E2F5: variants seen among roughly 807,000 people sequenced by gnomAD.
The protein encoded by E2F5 is E2F transcription factor 5.
E2F5 carries 23 observed loss-of-function variants against 39.1 expected under a neutral mutation model. The observed-to-expected ratio is 0.59, with a 90% CI of 0.42 to 0.83. The LOEUF (loss-of-function observed/expected upper bound fraction) is 0.83. Among genes scored for constraint, E2F5 ranks in the 40% least tolerant of loss-of-function variants. The pLI is 0.00. For missense variants in E2F5, 365 were observed against 406.7 expected (o/e 0.90, Z 0.88); for synonymous variants, 145 against 157.8 (o/e 0.92, Z 0.61).
rs1812113506 is a variant in E2F5 at position 85,177,622 on chromosome 8, G to T, written c.202G>T (p.Glu68Ter). 2.3e-6 allele frequency: 3 copies of T among 1,297,740 alleles called. No individual in the cohort carries two copies. The highest frequency in any genetic ancestry group is 2.0e-6 in the Non-Finnish European group (2 of 1,018,410). 80.4% of individuals were successfully genotyped at this position (1,297,740 alleles called of 1,614,324 possible). A position where few individuals can be genotyped will look rare whatever the true frequency, so the allele number is the denominator to read the frequency against. ...LTTKFVSLLQ[E>*]AKDGVLDLKA... ...TACCAAGTTCGTGTCGCTGCTGCAG[G>T]AGGCCAAGGACGGCGTTCTGGATCT... The change falls in exon 1 of 8, where the codon GAG (glutamate) becomes TAG (stop). Residue 68 changes from glutamate (E) to a stop codon, truncating the protein, a stop_gained. Coordinates refer to ENST00000416274, the MANE Select transcript of E2F5 (RefSeq NM_001951.4). LOFTEE classifies it high-confidence loss of function.
chr8:85,180,418 T>G (rs1158551621), intron 1 of E2F5, among the ~76,000 whole-genome samples: 1 of 151,230 alleles, frequency 6.6e-6, no homozygotes. Flanking sequence ...TTTTCTCTTG[T>G]ATTCTTACTT....
chr8:85,180,925 T>G (rs1218922785), intron 1 of E2F5, among the ~76,000 whole-genome samples: 7 of 149,858 alleles, frequency 4.7e-5, no homozygotes, highest in South Asian at 2.1e-4. Context: ...TCGCCCAGGC[T>G]GGAGTGCAGT....
At chr8:85,178,698 G>C (rs762177767) in intron 1 of E2F5, among the ~76,000 whole-genome samples, 11 of 152,208 alleles carry the variant, frequency 7.2e-5, no homozygotes, top group Non-Finnish European at 1.3e-4. Flanking sequence ...CCTGGCTTGA[G>C]AGTGTCACTG....
intron 1 of E2F5, among the ~76,000 whole-genome samples, chr8:85,179,862 G>C (rs1446093546): frequency 3.3e-5 from 5 of 152,028 alleles, no homozygotes; most frequent in African/African-American, 4.8e-5. Context: ...GGGTTTCACT[G>C]TGTTAGCTAG....
At chr8:85,183,053 C>T (rs1812253625) in intron 1 of E2F5, among the ~76,000 whole-genome samples, 2 of 152,096 alleles carry the variant, frequency 1.3e-5, no homozygotes, top group Admixed American at 1.3e-4. Flanking sequence ...AGATTGAGAC[C>T]ATCCTGGCTA....
chr8:85,199,278 C>T (rs1812642911), intron 1 of E2F5, among the ~76,000 whole-genome samples: 1 of 152,152 alleles, frequency 6.6e-6, no homozygotes, highest in African/African-American at 2.4e-5. Context: ...CCAGAATGCT[C>T]TACCACCAAA....
intron 1 of E2F5, among the ~76,000 whole-genome samples, chr8:85,184,989 C>T (rs962033538): frequency 2.0e-5 from 3 of 152,152 alleles, no homozygotes; most frequent in Non-Finnish European, 4.4e-5. Context: ...CAATGACTTT[C>T]TTCACAGAAT....
intron 1 of E2F5, among the ~76,000 whole-genome samples, chr8:85,181,703 T>G (rs928426911): frequency 1.4e-5 from 2 of 146,362 alleles, no homozygotes; most frequent in African/African-American, 5.0e-5. Flanking sequence ...CTCACGCCTG[T>G]AATCCCAGCA....
chr8:85,202,366 C>G, intron 2 of E2F5, 110 bp downstream of exon 2: 1 of 763,150 alleles, frequency 1.3e-6, no homozygotes, highest in Admixed American at 3.1e-5. Flanking sequence ...TCAGTCAGGC[C>G]CCTCAGCTTT....
At chr8:85,198,575 T>A (rs1439169059) in intron 1 of E2F5, among the ~76,000 whole-genome samples, 1 of 152,198 alleles carries the variant, frequency 6.6e-6, no homozygotes, top group Non-Finnish European at 1.5e-5. Flanking sequence ...CTCACTAACT[T>A]GCTCTGACAG....
Position 85,214,379 on chromosome 8 carries a change from G to A in E2F5, c.*517G>A. ...AGTGCCTTCTGTTTTAGCACTTTAA[G>A]TTTATCACATTTTGTTGACTTCTGA... On this transcript the variant is annotated 3_prime_UTR_variant, in exon 8 of 8. Coordinates refer to ENST00000416274, the MANE Select transcript of E2F5 (RefSeq NM_001951.4). The A allele has an allele frequency of 1.6e-6, 1 of 613,114 alleles. No homozygotes were observed. Among genetic ancestry groups the A allele is most frequent in the Non-Finnish European group, 2.9e-6 (1 of 345,280 alleles). 38.0% of individuals were successfully genotyped at this position (613,114 alleles called of 1,614,324 possible). A position where few individuals can be genotyped will look rare whatever the true frequency, so the allele number is the denominator to read the frequency against.
At chr8:85,201,802 A>G (rs1282472015) in intron 1 of E2F5, 1 of 263,786 alleles carries the variant, frequency 3.8e-6, no homozygotes, top group African/African-American at 2.3e-5. Flanking sequence ...TGAACAGAGA[A>G]ATAAGATAGG....
At chr8:85,182,778 C>T (rs1242381569) in intron 1 of E2F5, among the ~76,000 whole-genome samples, 1 of 152,072 alleles carries the variant, frequency 6.6e-6, no homozygotes, top group African/African-American at 2.4e-5. Context: ...TCAGTATGAG[C>T]TTTTTTAAGC....
chr8:85,202,158 T>G lies in E2F5; in HGVS notation c.246T>G (p.Thr82=), dbSNP rs750580843. 1.2e-6 allele frequency: 2 copies of G among 1,612,840 alleles called. No individual in the cohort carries two copies. The highest frequency in any genetic ancestry group is 1.7e-6 in the Non-Finnish European group (2 of 1,179,476). The change falls in exon 2 of 8, where the codon ACT becomes ACG. Residue 82 remains threonine (T), a synonymous_variant. Coordinates refer to ENST00000416274, the MANE Select transcript of E2F5 (RefSeq NM_001951.4). ...GVLDLKAAAD[T]LAVRQKRRIY... is the part of the protein sequence containing the mutation. ...TCTTTCCTGAACAGGCTGCTGATAC[T>G]TTGGCTGTGAGGCAAAAAAGGAGAA...
chr8:85,192,301 G>C (rs887242807), intron 1 of E2F5, among the ~76,000 whole-genome samples: 1 of 152,166 alleles, frequency 6.6e-6, no homozygotes, highest in African/African-American at 2.4e-5. Flanking sequence ...GATGCCTGTG[G>C]GACATCCTAG....
At chr8:85,210,802 A>C (rs1289382125) in intron 6 of E2F5, among the ~76,000 whole-genome samples, 2 of 152,180 alleles carry the variant, frequency 1.3e-5, no homozygotes, top group African/African-American at 4.8e-5. Flanking sequence ...GGCTTCAACA[A>C]AGTGTTTTTA....
intron 1 of E2F5, among the ~76,000 whole-genome samples, chr8:85,179,907 G>C (rs1239479776): frequency 6.6e-6 from 1 of 152,140 alleles, no homozygotes; most frequent in Non-Finnish European, 1.5e-5. Flanking sequence ...TGATCCACGC[G>C]CCTCGGCCTC....
intron 1 of E2F5, among the ~76,000 whole-genome samples, chr8:85,194,851 A>ATTC (rs1812547996): frequency 6.6e-6 from 1 of 150,678 alleles, no homozygotes; most frequent in Non-Finnish European, 1.5e-5. Flanking sequence ...TATTATTATT[A>ATTC]TTATTATTTT....
At chr8:85,183,334 A>G (rs1378772316) in intron 1 of E2F5, among the ~76,000 whole-genome samples, 3 of 152,186 alleles carry the variant, frequency 2.0e-5, no homozygotes, top group African/African-American at 7.2e-5. Context: ...CTAAGGAGAG[A>G]TATGTGGGTA....
Sources: gnomAD v4.1 joint callset for allele counts (sites outside exome capture counted in the v4.1 genomes callset) on GRCh38, gnomAD v4.1.1 for gene constraint, MANE v1.5 for transcripts, NCBI Gene and HGNC (gene_info 2026-07-23, HGNC 2026-07-21) for gene names.